The following CAST variants were observed in gnomAD, a reference collection of about 807,000 sequenced individuals.
CAST encodes the protein calpastatin, also known as MIR583 host.
In CAST, 76 loss-of-function variants were observed where a neutral mutation model predicts 119.6. The ratio of observed to expected loss-of-function variants is 0.64; its 90% CI spans 0.53 to 0.77. CAST has a LOEUF of 0.77. Ranked by LOEUF, CAST falls within the 30% of genes least tolerant of loss-of-function variation. The probability of loss-of-function intolerance (pLI) is 0.00; values close to 1 mark genes in which losing one functional copy is unlikely to be tolerated. For missense variants in CAST, 953 were observed against 946.5 expected, an observed-to-expected ratio of 1.01 and a Z score of -0.09; for synonymous variants, 319 against 331.6, an observed-to-expected ratio of 0.96 and a Z score of 0.41.
chr5:96,074,810 A>G, the CAST span, among the ~76,000 whole-genome samples: 1 of 152,306 alleles, frequency 6.6e-6, no homozygotes, highest in East Asian at 1.9e-4. Flanking sequence ...GGTTGAAATT[A>G]TTTCATAGTG....
the CAST span, among the ~76,000 whole-genome samples, chr5:96,377,588 T>C: frequency 2.1e-4 from 32 of 152,202 alleles, no homozygotes; most frequent in Non-Finnish European, 4.0e-4. Flanking sequence ...GCGGGTAGCC[T>C]AGATGTGTAA....
chr5:96,429,735 C>A, the CAST span, among the ~76,000 whole-genome samples: 1 of 152,126 alleles, frequency 6.6e-6, no homozygotes, highest in African/African-American at 2.4e-5. Flanking sequence ...TGTTAGTTTG[C>A]CAACAATAAT....
chr5:96,004,695 A>G, the CAST span, among the ~76,000 whole-genome samples: 9 of 152,174 alleles, frequency 5.9e-5, no homozygotes, highest in Non-Finnish European at 1.3e-4. Flanking sequence ...ACTATACACT[A>G]AAAAAATATT....
At chr5:96,404,328 C>T in the CAST span, among the ~76,000 whole-genome samples, 20 of 152,310 alleles carry the variant, frequency 1.3e-4, no homozygotes, top group East Asian at 1.3e-3. Context: ...ACCAGAAACT[C>T]CTAGGCAGAT....
the CAST span, among the ~76,000 whole-genome samples, chr5:96,463,691 A>C: frequency 6.6e-6 from 1 of 152,096 alleles, no homozygotes; most frequent in Non-Finnish European, 1.5e-5. Context: ...TATTTGGATT[A>C]GTGGGGTATA....
intron 2 of CAST, among the ~76,000 whole-genome samples, chr5:96,682,548 C>A (rs1751564524): frequency 6.6e-6 from 1 of 151,810 alleles, no homozygotes; most frequent in African/African-American, 2.4e-5. Flanking sequence ...TGAGATCTGT[C>A]TTTTTCAGTC....
intron 3 of CAST, among the ~76,000 whole-genome samples, chr5:96,697,133 A>G (rs547282733): frequency 7.2e-5 from 11 of 152,146 alleles, no homozygotes; most frequent in Non-Finnish European, 1.5e-4. Flanking sequence ...GCGCCACTGC[A>G]CTCCAGCCTT....
At chr5:96,408,899 C>T in the CAST span, among the ~76,000 whole-genome samples, 1 of 152,176 alleles carries the variant, frequency 6.6e-6, no homozygotes, top group Middle Eastern at 3.2e-3. Flanking sequence ...TTGAGGAAAA[C>T]GATGGGTCTT....
chr5:96,742,588 A>C, intron 15 of CAST, 67 bp from the exon 16 acceptor site: 1 of 1,006,540 alleles, frequency 9.9e-7, no homozygotes, highest in East Asian at 2.5e-5. Context: ...TTTTACAAAG[A>C]AGTAAATGGA....
At chr5:96,040,644 T>A in the CAST span, among the ~76,000 whole-genome samples, 24 of 152,348 alleles carry the variant, frequency 1.6e-4, no homozygotes, top group African/African-American at 5.5e-4. Flanking sequence ...GTGGTTTTTG[T>A]CATTGATTCT....
chr5:96,154,810 G>A, the CAST span, among the ~76,000 whole-genome samples: 1 of 152,194 alleles, frequency 6.6e-6, no homozygotes, highest in Non-Finnish European at 1.5e-5. Context: ...GACCACAGAG[G>A]TAAAGTACTA....
chr5:96,619,575 G>A (rs560818785), intron 1 of CAST, among the ~76,000 whole-genome samples: 3 of 152,320 alleles, frequency 2.0e-5, no homozygotes, highest in African/African-American at 4.8e-5. Context: ...AAATCTTGCT[G>A]TTCCTCACTG....
intron 1 of CAST, among the ~76,000 whole-genome samples, chr5:96,590,378 G>A (rs2150191502): frequency 6.6e-6 from 1 of 152,306 alleles, no homozygotes; most frequent in South Asian, 2.1e-4. Context: ...GTATGTGCTA[G>A]GAAAGGCTGT....
At chr5:96,405,314 T>C in the CAST span, among the ~76,000 whole-genome samples, 2 of 152,190 alleles carry the variant, frequency 1.3e-5, no homozygotes, top group Non-Finnish European at 2.9e-5. Context: ...GTGAAACCTA[T>C]AAGCCATTCC....
chr5:96,607,016 C>T (rs1239133013), intron 1 of CAST, among the ~76,000 whole-genome samples: 1 of 152,116 alleles, frequency 6.6e-6, no homozygotes, highest in Non-Finnish European at 1.5e-5. Flanking sequence ...TTGGCGGGCG[C>T]GGTAGCTCAC....
chr5:96,284,382 C>T, the CAST span, among the ~76,000 whole-genome samples: 1 of 152,112 alleles, frequency 6.6e-6, no homozygotes, highest in Non-Finnish European at 1.5e-5. Flanking sequence ...ATAATCAGGT[C>T]TCCAGTTGCC....
chr5:96,691,219 C>T (rs1242686061), intron 2 of CAST, among the ~76,000 whole-genome samples: 1 of 152,138 alleles, frequency 6.6e-6, no homozygotes, highest in East Asian at 1.9e-4. Context: ...AAAATGCAGT[C>T]TGTTGTTGAG....
chr5:96,238,340 C>A, the CAST span, among the ~76,000 whole-genome samples: 3 of 44,216 alleles, frequency 6.8e-5, no homozygotes, highest in Admixed American at 3.3e-4. Flanking sequence ...TCTTCTTCTT[C>A]TTCTTCATCT....
chr5:96,241,202 TC>T, the CAST span, among the ~76,000 whole-genome samples: 1 of 118,126 alleles, frequency 8.5e-6, no homozygotes, highest in Admixed American at 9.1e-5. Flanking sequence ...CCCAATGCTA[TC>T]CCTCCCCCCT....
Sources: gnomAD v4.1 joint callset for allele counts (sites outside exome capture counted in the v4.1 genomes callset) on GRCh38, gnomAD v4.1.1 for gene constraint, MANE v1.5 for transcripts, NCBI Gene and HGNC (gene_info 2026-07-23, HGNC 2026-07-21) for gene names.